Variants in TM6SF1 observed in about 807,000 individuals in gnomAD.
The protein encoded by TM6SF1 is transmembrane 6 superfamily member 1.
A neutral mutation model predicts 47.1 loss-of-function variants in TM6SF1; 43 were observed. The observed-to-expected ratio is 0.91, with a 90% CI of 0.72 to 1.18. TM6SF1 has a LOEUF of 1.18. TM6SF1 is among the 50% of genes most tolerant of loss of function. The probability of loss-of-function intolerance (pLI) is 0.00; values close to 1 mark genes in which losing one functional copy is unlikely to be tolerated. For synonymous variants in TM6SF1, 177 were observed against 166.3 expected (o/e 1.06, Z -0.49); for missense variants, 390 against 449.0 (o/e 0.87, Z 1.19).
At chr15:83,135,462 G>A (rs986121841) in intron 9 of TM6SF1, 2 of 152,094 alleles carry the variant, frequency 1.3e-5, no homozygotes, top group African/African-American at 4.8e-5. Context: ...ATTACATTTA[G>A]ATTCCCAATC....
chr15:83,128,535 T>C (rs1181262620), intron 9 of TM6SF1: 3 of 152,190 alleles, frequency 2.0e-5, no homozygotes, highest in Middle Eastern at 3.2e-3. Context: ...GTATTTTAGG[T>C]CTTTATCTTT....
chr15:83,127,559 T>C, intron 9 of TM6SF1, 82 bp downstream of exon 9: 1 of 1,492,336 alleles, frequency 6.7e-7, no homozygotes, highest in East Asian at 2.3e-5. Context: ...CTCTGCTCAG[T>C]GTTTTAGACT....
rs762444481 is a variant in TM6SF1 at position 83,136,528 on chromosome 15, T to A, written c.969T>A (p.Tyr323Ter). The change falls in exon 10 of 10, where the codon TAT (tyrosine) becomes TAA (stop). Residue 323 changes from tyrosine to a stop codon, truncating the protein, a stop_gained. Transcript: ENST00000322019. LOFTEE classifies it high-confidence loss of function. Reference sequence around the variant, plus strand: ...CATCTCTTCATGCTAGAACTGCTTATGTCTACAGAGTCCCTGAAGAAGCAA... The same window carrying A: ...CATCTCTTCATGCTAGAACTGCTTAAGTCTACAGAGTCCCTGAAGAAGCAA... Reference protein sequence around the residue: ...IGASLHARTAYVYRVPEEAKI... With the variant: ...IGASLHARTA The A allele has an allele frequency of 1.9e-6, 3 of 1,612,046 alleles. No individual in the cohort carries two copies. The highest frequency in any genetic ancestry group is 2.5e-6 in the Non-Finnish European group (3 of 1,179,490).
At chr15:83,136,287 A>T (rs529074752) in intron 9 of TM6SF1, 194 bp from the exon 10 acceptor site, 2 of 443,230 alleles carry the variant, frequency 4.5e-6, no homozygotes, top group South Asian at 1.4e-4. Context: ...AATGGCCCTA[A>T]ATTTAATCAA....
In TM6SF1 at chr15:83,116,672, G is replaced by C. The variant is rs2034690787; in HGVS notation, c.294+730G>C. On this transcript the variant is annotated intron_variant, in intron 3 of 9. Coordinates refer to ENST00000322019, the MANE Select transcript of TM6SF1 (RefSeq NM_023003.5). ...CAGGGAAGGGTCCGTGCCATGAGCT[G>C]GGGCACCAGTCAGGAGGCTTCCTCG... Among the ~76,000 whole-genome samples, 4 of 152,234 alleles carry C rather than the reference G, an allele frequency of 2.6e-5. No homozygotes were observed. In the South Asian group the frequency reaches 8.3e-4, roughly 31 times the overall value.
At position 83,124,714 on chromosome 15, in the gene TM6SF1, T is replaced by C; in HGVS notation, c.646T>C (p.Phe216Leu). 6.2e-7 allele frequency: 1 copy of C among 1,614,178 alleles called. No homozygotes were observed. The highest frequency in any genetic ancestry group is 8.5e-7 in the Non-Finnish European group (1 of 1,180,012). ...AGCGAAAGACCTGCTGAGAAGACCA[T>C]TTGATTTAATGTTGGTTGTGTGTCT... ...AQAKDLLRRP[F>L]DLMLVVCLLL... Residue 216 changes from phenylalanine (F) to leucine (L), a missense_variant, in exon 7 of 10, where the codon TTT (phenylalanine) becomes CTT (leucine). Phe to Leu is a conservative substitution (Grantham distance 22). Coordinates refer to ENST00000322019, the MANE Select transcript of TM6SF1 (RefSeq NM_023003.5).
chr15:83,130,705 T>C (rs2036171880), intron 9 of TM6SF1: 1 of 152,234 alleles, frequency 6.6e-6, no homozygotes, highest in East Asian at 1.9e-4. Context: ...ATGACCAGAA[T>C]ACTGAATTAC....
intron 1 of TM6SF1, among the ~76,000 whole-genome samples, chr15:83,108,730 A>T (rs1251231075): frequency 6.6e-6 from 1 of 152,196 alleles, no homozygotes; most frequent in African/African-American, 2.4e-5. Context: ...AAATTGCATC[A>T]GTCTGTAGGC....
intron 4 of TM6SF1, among the ~76,000 whole-genome samples, chr15:83,121,349 T>G (rs903790179): frequency 6.6e-6 from 1 of 152,002 alleles, no homozygotes; most frequent in African/African-American, 2.4e-5. Flanking sequence ...CTCAAAGTGC[T>G]GGGATTACAG....
At chr15:83,127,285 C>CT in intron 8 of TM6SF1, 73 bp from the exon 9 acceptor site, 2 of 1,410,012 alleles carry the variant, frequency 1.4e-6, no homozygotes, top group Admixed American at 2.7e-5. Context: ...AAAATGTTTA[C>CT]TTTTTTGTAC....
intron 4 of TM6SF1, among the ~76,000 whole-genome samples, chr15:83,120,505 T>C (rs950765911): frequency 6.6e-6 from 1 of 152,092 alleles, no homozygotes; most frequent in African/African-American, 2.4e-5. Flanking sequence ...CATGCATTCT[T>C]GCCCCATACA....
chr15:83,107,898 C>T lies in TM6SF1; in HGVS notation c.92+126C>T. On this transcript the variant is annotated intron_variant, in intron 1 of 9. Transcript: ENST00000322019. This position sits in a 1 kb window ranked among gnomAD's most constrained non-coding sequence, Gnocchi z 5.6. ...GCCGCGGGACAGAGGTTCGTGGCCG[C>T]AGGGGCTCCCCGCGCCTGGCCAGAC... 1 of 1,315,160 alleles carries T rather than the reference C, an allele frequency of 7.6e-7. No homozygotes were observed. Among genetic ancestry groups the T allele is most frequent in the Non-Finnish European group, 9.7e-7 (1 of 1,031,900 alleles). The allele number at this position is 1,315,160 out of a possible 1,614,324, so 81.5% of individuals were successfully genotyped here.
chr15:83,121,582 T>C (rs960363320), intron 4 of TM6SF1, among the ~76,000 whole-genome samples: 5 of 152,206 alleles, frequency 3.3e-5, no homozygotes, highest in Non-Finnish European at 7.3e-5. Context: ...TTTCATTTCT[T>C]CTTTCAACTT....
chr15:83,133,727 C>T (rs2036422411), intron 9 of TM6SF1: 2 of 152,266 alleles, frequency 1.3e-5, no homozygotes, highest in Non-Finnish European at 2.9e-5. Flanking sequence ...AGGCCTTGTG[C>T]TGCTGGGAAC....
At chr15:83,127,521 T>C in intron 9 of TM6SF1, 44 bp downstream of exon 9, 1 of 1,606,514 alleles carries the variant, frequency 6.2e-7, no homozygotes, top group Non-Finnish European at 8.5e-7. Context: ...GTGGTCTAGG[T>C]GTCAATTGTT....
chr15:83,126,914 T>C, intron 8 of TM6SF1, 67 bp downstream of exon 8: 1 of 1,282,382 alleles, frequency 7.8e-7, no homozygotes, highest in Non-Finnish European at 1.1e-6. Context: ...GGGTCCCAGC[T>C]GGGTGCGGTG....
chr15:83,127,245 A>T, intron 8 of TM6SF1, 113 bp from the exon 9 acceptor site: 2 of 1,094,834 alleles, frequency 1.8e-6, no homozygotes, highest in Non-Finnish European at 2.5e-6. Flanking sequence ...AGTCCCATAT[A>T]GGAAATAGGA....
chr15:83,136,184 G>A (rs997610214), intron 9 of TM6SF1: 15 of 245,904 alleles, frequency 6.1e-5, no homozygotes, highest in Non-Finnish European at 9.2e-5. Context: ...AGCCACTAAT[G>A]TTCGGTAAGG....
chr15:83,112,092 T>C (rs1247152803), intron 1 of TM6SF1, among the ~76,000 whole-genome samples: 1 of 152,180 alleles, frequency 6.6e-6, no homozygotes, highest in African/African-American at 2.4e-5. Flanking sequence ...TGGCCCCTGC[T>C]GTCCTTGGTG....
Sources: allele counts gnomAD v4.1 joint callset (sites outside exome capture counted in the v4.1 genomes callset), GRCh38; gene constraint gnomAD v4.1.1; non-coding constraint Gnocchi (gnomAD v3.1); transcripts MANE v1.5; gene names NCBI Gene and HGNC (gene_info 2026-07-23, HGNC 2026-07-21).